ZFAND3: variants seen among roughly 807,000 people sequenced by gnomAD.
ZFAND3 encodes the protein AN1-type zinc finger protein 3.
Under a neutral mutation model 29.6 loss-of-function variants are expected in ZFAND3, and 10 were observed. That is an observed-to-expected ratio of 0.34 (90% CI 0.21 to 0.57). The LOEUF is 0.57. ZFAND3 is among the 20% of genes least tolerant of loss of function. ZFAND3 has a pLI of 0.86. For synonymous variants in ZFAND3, 128 were observed against 112.6 expected, an observed-to-expected ratio of 1.14 and a Z score of -0.87; for missense variants, 230 against 304.5, an observed-to-expected ratio of 0.76 and a Z score of 1.82.
chr6:37,849,313 C>T (rs1306254834), intron 1 of ZFAND3, among the ~76,000 whole-genome samples: 3 of 152,146 alleles, frequency 2.0e-5, no homozygotes, highest in Admixed American at 6.5e-5. Flanking sequence ...CTTCTTTGGG[C>T]TATGGGGAGG....
intron 2 of ZFAND3, among the ~76,000 whole-genome samples, chr6:38,008,434 A>G (rs202189072): frequency 1.3e-5 from 2 of 152,210 alleles, no homozygotes; most frequent in East Asian, 3.8e-4. Flanking sequence ...ATATGTAACA[A>G]TTTTTGGGCC....
chr6:37,852,415 C>T (rs557989788), intron 1 of ZFAND3, among the ~76,000 whole-genome samples: 5 of 152,252 alleles, frequency 3.3e-5, no homozygotes, highest in Admixed American at 1.3e-4. Context: ...CAAATCTAAC[C>T]TGTACTTGTT....
At chr6:37,906,231 C>A (rs991032472) in intron 1 of ZFAND3, among the ~76,000 whole-genome samples, 1 of 152,098 alleles carries the variant, frequency 6.6e-6, no homozygotes, top group African/African-American at 2.4e-5. Context: ...CTTGCAGCCA[C>A]TAATCTATTT....
chr6:38,144,233 T>TA lies in ZFAND3; in HGVS notation c.530-8002_530-8001insA, dbSNP rs1562016253. Among the ~76,000 whole-genome samples, 157 of 59,646 alleles carry TA rather than the reference T, an allele frequency of 2.6e-3. 2 individuals carry two copies. The highest frequency in any genetic ancestry group is 4.9e-3 in the Non-Finnish European group (135 of 27,702). 39.1% of individuals were successfully genotyped at this position (59,646 alleles called of 152,430 possible). On this transcript the variant is annotated intron_variant, in intron 5 of 5. Transcript: ENST00000287218. ...TATAATATATAATATATATATATAT[T>TA]TTTTTTTTAATAAGGTTGCTTGATC...
intron 1 of ZFAND3, among the ~76,000 whole-genome samples, chr6:37,885,050 C>T (rs1764964810): frequency 6.6e-6 from 1 of 152,170 alleles, no homozygotes; most frequent in African/African-American, 2.4e-5. Flanking sequence ...ACAGTACCAT[C>T]ATTGCTCAGA....
chr6:38,064,694 A>G (rs1434875183), intron 3 of ZFAND3, among the ~76,000 whole-genome samples: 1 of 146,102 alleles, frequency 6.8e-6, no homozygotes, highest in Non-Finnish European at 1.5e-5. Context: ...TTTAATATGA[A>G]TACCTTCAGC....
intron 2 of ZFAND3, among the ~76,000 whole-genome samples, chr6:37,979,853 A>T (rs1320320353): frequency 2.0e-5 from 3 of 152,128 alleles, no homozygotes; most frequent in African/African-American, 7.2e-5. Context: ...TATTTCCTCA[A>T]CTTACCACAT....
intron 2 of ZFAND3, among the ~76,000 whole-genome samples, chr6:38,000,618 C>T (rs957050569): frequency 6.6e-6 from 1 of 152,102 alleles, no homozygotes; most frequent in African/African-American, 2.4e-5. Flanking sequence ...CTGGGAAAGA[C>T]CTGCCCCCAT....
At chr6:37,834,753 T>C (rs576942931) in intron 1 of ZFAND3, among the ~76,000 whole-genome samples, 5 of 146,352 alleles carry the variant, frequency 3.4e-5, no homozygotes, top group South Asian at 2.1e-4. Flanking sequence ...ATTATGCATA[T>C]ATAATGATAT....
intron 2 of ZFAND3, among the ~76,000 whole-genome samples, chr6:37,932,254 C>CTT (rs1761611223): frequency 8.2e-6 from 1 of 122,066 alleles, no homozygotes; most frequent in Non-Finnish European, 1.8e-5. Context: ...GAACGAGACT[C>CTT]TGTCTCAAAA....
intron 1 of ZFAND3, among the ~76,000 whole-genome samples, chr6:37,851,344 A>G (rs966776242): frequency 7.3e-5 from 11 of 151,640 alleles, no homozygotes; most frequent in Non-Finnish European, 1.6e-4. Flanking sequence ...TTCCCACTCT[A>G]TTTTATTCAT....
At chr6:38,068,745 A>G (rs1764394086) in intron 3 of ZFAND3, among the ~76,000 whole-genome samples, 1 of 152,196 alleles carries the variant, frequency 6.6e-6, no homozygotes, top group African/African-American at 2.4e-5. Flanking sequence ...AGTGAGAACC[A>G]TATTAACTGG....
At chr6:38,073,336 G>GA (rs569460054) in intron 3 of ZFAND3, among the ~76,000 whole-genome samples, 9,934 of 117,794 alleles carry the variant, frequency 0.084, 377 homozygotes, top group Non-Finnish European at 0.11. Context: ...AACTATGTTT[G>GA]AAAAAAAAAA....
chr6:38,103,054 G>C (rs1363849102), intron 4 of ZFAND3, among the ~76,000 whole-genome samples: 2 of 152,198 alleles, frequency 1.3e-5, no homozygotes, highest in Non-Finnish European at 2.9e-5. Flanking sequence ...ACCGCGCCTG[G>C]CTGGAAGTTT....
chr6:38,146,547 T>A (rs1225803063), intron 5 of ZFAND3, among the ~76,000 whole-genome samples: 1 of 152,188 alleles, frequency 6.6e-6, no homozygotes. Flanking sequence ...TGAACGCAAC[T>A]CAGGCATCCT....
chr6:38,093,676 G>A (rs1169205865), intron 4 of ZFAND3, among the ~76,000 whole-genome samples: 2 of 152,178 alleles, frequency 1.3e-5, no homozygotes, highest in Non-Finnish European at 2.9e-5. Context: ...ATGGCTAGCA[G>A]AAGATCACTG....
chr6:38,044,379 C>CT (rs200870195), intron 2 of ZFAND3, among the ~76,000 whole-genome samples: 187 of 145,394 alleles, frequency 1.3e-3, no homozygotes, highest in East Asian at 0.012. Context: ...AACACTCTTA[C>CT]TTTTTTTTTT....
rs534413823 is a variant in ZFAND3, at chr6:38,027,303, G to A, written c.113-34290G>A. On this transcript the variant is annotated intron_variant, in intron 2 of 5. Transcript: ENST00000287218. Reference sequence around the variant, plus strand: ...TTAAATGCCTTATTGTCAACAAATAGTCTCATTCAGTACATGTTCAGAAAC... The same window carrying A: ...TTAAATGCCTTATTGTCAACAAATAATCTCATTCAGTACATGTTCAGAAAC... Among the ~76,000 whole-genome samples, 16 of 152,298 alleles carry A rather than the reference G, an allele frequency of 1.1e-4. No homozygotes were observed. The South Asian group carries it at 3.3e-3, about 32-fold the overall frequency.
At chr6:38,015,431 T>C (rs1763236814) in intron 2 of ZFAND3, among the ~76,000 whole-genome samples, 1 of 152,202 alleles carries the variant, frequency 6.6e-6, no homozygotes, top group South Asian at 2.1e-4. Flanking sequence ...AGGCATTCCT[T>C]TTGGCCTGAC....
Sources: gnomAD v4.1 joint callset for allele counts (sites outside exome capture counted in the v4.1 genomes callset) on GRCh38, gnomAD v4.1.1 for gene constraint, MANE v1.5 for transcripts, NCBI Gene and HGNC (gene_info 2026-07-23, HGNC 2026-07-21) for gene names.